KCNH5: variants seen among roughly 807,000 people sequenced by gnomAD.
KCNH5 encodes potassium voltage-gated channel subfamily H member 5.
A neutral mutation model predicts 96.1 loss-of-function variants in KCNH5; 46 were observed. The observed-to-expected ratio is 0.48, with a 90% CI of 0.38 to 0.61. The LOEUF (loss-of-function observed/expected upper bound fraction) is 0.61, where lower values mean the gene tolerates loss of function less well. Ranked by LOEUF, KCNH5 falls within the 20% of genes least tolerant of loss-of-function variation. The pLI is 0.00. For synonymous variants in KCNH5, 439 were observed against 449.8 expected (o/e 0.98, Z 0.30); for missense variants, 907 against 1,225.8 (o/e 0.74, Z 3.88).
intron 7 of KCNH5, among the ~76,000 whole-genome samples, chr14:62,915,399 T>G (rs1889254496): frequency 6.6e-6 from 1 of 152,246 alleles, no homozygotes; most frequent in African/African-American, 2.4e-5. Context: ...TACAGAATAC[T>G]ATAGTAAGAA....
intron 7 of KCNH5, among the ~76,000 whole-genome samples, chr14:62,877,446 G>C (rs902100781): frequency 5.9e-5 from 9 of 152,156 alleles, no homozygotes; most frequent in East Asian, 3.9e-4. Flanking sequence ...ACCTACTCAT[G>C]TGACAAAGGG....
chr14:62,765,988 C>A (rs1387838782), intron 10 of KCNH5, among the ~76,000 whole-genome samples: 2 of 152,080 alleles, frequency 1.3e-5, no homozygotes, highest in Non-Finnish European at 2.9e-5. Flanking sequence ...GCTCAAACAA[C>A]TCTATAGGAA....
At chr14:62,913,006 A>T (rs1889200180) in intron 7 of KCNH5, among the ~76,000 whole-genome samples, 1 of 152,196 alleles carries the variant, frequency 6.6e-6, no homozygotes, top group African/African-American at 2.4e-5. Flanking sequence ...TATCTAACAA[A>T]TGTATCTATA....
At chr14:62,980,225 T>C (rs988411931) in intron 6 of KCNH5, among the ~76,000 whole-genome samples, 2 of 152,234 alleles carry the variant, frequency 1.3e-5, no homozygotes, top group African/African-American at 4.8e-5. Context: ...TCAGGTTGTA[T>C]CTTTATAGCA....
At chr14:63,024,208 C>CAAAAAAAAAAAAAAAAAAAAA (rs574336970) in intron 1 of KCNH5, among the ~76,000 whole-genome samples, 28 of 140,268 alleles carry the variant, frequency 2.0e-4, no homozygotes, top group East Asian at 4.2e-4. Context: ...GACTCCATCT[C>CAAAAAAAAAAAAAAAAAAAAA]AAAAAATATA....
At chr14:62,827,371 G>T (rs1488098011) in intron 8 of KCNH5, among the ~76,000 whole-genome samples, 1 of 152,056 alleles carries the variant, frequency 6.6e-6, no homozygotes, top group African/African-American at 2.4e-5. Flanking sequence ...CACATCTCTA[G>T]ACTAATAATC....
chr14:62,817,793 T>TA (rs1209689987), intron 8 of KCNH5, among the ~76,000 whole-genome samples: 1 of 144,400 alleles, frequency 6.9e-6, no homozygotes, highest in Non-Finnish European at 1.5e-5. Flanking sequence ...TATATATATA[T>TA]TCTATATATA....
At chr14:62,926,937 A>C (rs1889487837) in intron 7 of KCNH5, among the ~76,000 whole-genome samples, 1 of 152,078 alleles carries the variant, frequency 6.6e-6, no homozygotes, top group Admixed American at 6.6e-5. Context: ...GCCTGTCCCC[A>C]TTTCACACAG....
intron 10 of KCNH5, among the ~76,000 whole-genome samples, chr14:62,724,964 T>C (rs886441884): frequency 2.0e-5 from 3 of 152,208 alleles, no homozygotes; most frequent in Non-Finnish European, 4.4e-5. Context: ...CCCTACGAAG[T>C]ACACCTTGAG....
chr14:62,994,974 C>T (rs1194891549), intron 4 of KCNH5, among the ~76,000 whole-genome samples: 1 of 151,976 alleles, frequency 6.6e-6, no homozygotes, highest in Non-Finnish European at 1.5e-5. Flanking sequence ...TTACCCAGTG[C>T]CAGTAAGATC....
intron 8 of KCNH5, among the ~76,000 whole-genome samples, chr14:62,836,087 T>C (rs1887462144): frequency 6.6e-6 from 1 of 152,106 alleles, no homozygotes; most frequent in African/African-American, 2.4e-5. Context: ...GGTGCTTTCT[T>C]ACAGGAGTAC....
intron 2 of KCNH5, among the ~76,000 whole-genome samples, chr14:63,009,572 A>G (rs569671215): frequency 1.3e-5 from 2 of 152,322 alleles, no homozygotes; most frequent in South Asian, 4.1e-4. Flanking sequence ...AAGGGGTGAC[A>G]TGTAGCAGTT....
At chr14:62,861,637 T>TACACACAC (rs142699720) in intron 7 of KCNH5, among the ~76,000 whole-genome samples, 2,416 of 141,882 alleles carry the variant, frequency 0.017, 30 homozygotes, top group African/African-American at 0.034. Context: ...CATCTCCATT[T>TACACACAC]ACACACACAC....
chr14:62,980,785 G>A (rs1416910530), intron 6 of KCNH5, 87 bp downstream of exon 6: 2 of 1,390,926 alleles, frequency 1.4e-6, no homozygotes, highest in East Asian at 2.3e-5. Context: ...CTAAAAAGAG[G>A]TTTGGATTAT....
chr14:62,977,794 G>T (rs866249056), intron 6 of KCNH5, among the ~76,000 whole-genome samples: 8 of 152,140 alleles, frequency 5.3e-5, no homozygotes, highest in Non-Finnish European at 1.0e-4. Flanking sequence ...GGTTATTTAC[G>T]CAAGAATTTT....
chr14:62,999,673 T>C (rs1410552236), intron 4 of KCNH5, among the ~76,000 whole-genome samples: 2 of 121,142 alleles, frequency 1.7e-5, no homozygotes, highest in East Asian at 4.9e-4. Flanking sequence ...TGAGAACACA[T>C]GGACACAGGA....
chr14:62,849,872 A>T lies in KCNH5; in HGVS notation c.1370-20T>A. The T allele has an allele frequency of 6.4e-7, 1 of 1,571,786 alleles. No homozygotes were observed. Among genetic ancestry groups the T allele is most frequent in the Non-Finnish European group, 8.7e-7 (1 of 1,142,932 alleles). ...GAAGAGCTGAAAGAGAAGAAATGAT[A>T]AAAATAAAACAAATATCTCATGTGA... On this transcript the variant is annotated intron_variant, in intron 7 of 10. Coordinates refer to ENST00000322893, the MANE Select transcript of KCNH5 (RefSeq NM_139318.5).
chr14:62,997,175 G>A (rs991568896), intron 4 of KCNH5, among the ~76,000 whole-genome samples: 12 of 152,158 alleles, frequency 7.9e-5, no homozygotes, highest in East Asian at 1.9e-4. Flanking sequence ...TATCCTTTGC[G>A]TTAAAAACAA....
At chr14:62,801,435 CTG>C (rs1213198424) in intron 9 of KCNH5, among the ~76,000 whole-genome samples, 1 of 144,542 alleles carries the variant, frequency 6.9e-6, no homozygotes, top group Non-Finnish European at 1.5e-5. Flanking sequence ...CCTTTTATAT[CTG>C]TGGATTTCAG....
Sources: gnomAD v4.1 joint callset for allele counts (sites outside exome capture counted in the v4.1 genomes callset) on GRCh38, gnomAD v4.1.1 for gene constraint, MANE v1.5 for transcripts, NCBI Gene and HGNC (gene_info 2026-07-23, HGNC 2026-07-21) for gene names.